Variants in DLC1 observed in about 807,000 individuals in gnomAD.
DLC1 encodes DLC1 Rho GTPase activating protein, also known as rho GTPase-activating protein 7.
DLC1 carries 54 observed loss-of-function variants against 140.3 expected under a neutral mutation model. The observed-to-expected ratio is 0.38, with a 90% CI of 0.31 to 0.48. The LOEUF (loss-of-function observed/expected upper bound fraction) is 0.48. Among genes scored for constraint, DLC1 ranks in the 20% least tolerant of loss-of-function variants. The pLI, the probability that DLC1 is intolerant of heterozygous loss-of-function variation, is 0.96. For missense variants in DLC1, 2,536 were observed against 1,907.0 expected, an observed-to-expected ratio of 1.33 and a Z score of -6.14; for synonymous variants, 986 against 728.1, an observed-to-expected ratio of 1.35 and a Z score of -5.70.
intron 5 of DLC1, among the ~76,000 whole-genome samples, chr8:13,146,567 A>G (rs547077400): frequency 6.6e-6 from 1 of 151,974 alleles, no homozygotes; most frequent in Non-Finnish European, 1.5e-5. Flanking sequence ...AGTCATAGTA[A>G]TTTGATCTGT....
rs529964869 is a variant in DLC1, at chr8:13,098,787, T to C, written c.2991-212A>G. 1.8e-4 allele frequency among the ~76,000 whole-genome samples: 28 copies of C among 152,282 alleles called. No individual in the cohort carries two copies. The South Asian group carries it at 5.6e-3, about 30-fold the overall frequency. On this transcript the variant is annotated intron_variant, in intron 9 of 17. Transcript: ENST00000276297. ...TGTGCCACCACATCTGACTCATTTT[T>C]TAATTTTTTGTAGAGATAGAGTCTC...
intron 1 of DLC1, among the ~76,000 whole-genome samples, chr8:13,571,481 C>A (rs56019602): frequency 6.6e-6 from 1 of 152,142 alleles, no homozygotes; most frequent in Non-Finnish European, 1.5e-5. Context: ...CATTTTGTGT[C>A]TGGCTTAGTG....
upstream of DLC1, chr8:13,515,439 C>A (rs1257984449): frequency 6.6e-6 from 1 of 152,178 alleles, no homozygotes; most frequent in African/African-American, 2.4e-5. Flanking sequence ...CGTGTTATGG[C>A]AAATGCAGCA....
chr8:13,481,916 G>T lies in DLC1; in HGVS notation c.1023+17133C>A, dbSNP rs933145361. 4.6e-5 allele frequency among the ~76,000 whole-genome samples: 7 copies of T among 152,196 alleles called. No individual in the cohort carries two copies. The South Asian group carries it at 1.5e-3, about 32-fold the overall frequency. On this transcript the variant is annotated intron_variant, in intron 2 of 17. Coordinates refer to ENST00000276297, the MANE Select transcript of DLC1 (RefSeq NM_182643.3). ...CGAAGAAGCCCATGTCAACATAAAGGCCTATAGAAAGATAATATACCTACA... is the reference window on the plus strand; with the variant it reads ...CGAAGAAGCCCATGTCAACATAAAGTCCTATAGAAAGATAATATACCTACA...
At chr8:13,347,076 T>C (rs193163615) in intron 4 of DLC1, among the ~76,000 whole-genome samples, 56 of 152,332 alleles carry the variant, frequency 3.7e-4, no homozygotes, top group African/African-American at 1.2e-3. Context: ...TATCATATGA[T>C]GTATGTATAG....
intron 2 of DLC1, among the ~76,000 whole-genome samples, chr8:13,424,004 A>C (rs754556309): frequency 1.3e-5 from 2 of 152,212 alleles, no homozygotes; most frequent in African/African-American, 4.8e-5. Context: ...TACTACAGCT[A>C]TAAAAATAGA....
chr8:13,330,690 C>T (rs1164652130), intron 4 of DLC1, among the ~76,000 whole-genome samples: 2 of 152,174 alleles, frequency 1.3e-5, no homozygotes, highest in Non-Finnish European at 2.9e-5. Flanking sequence ...AAAAAACACA[C>T]AGTGAGAGGG....
intron 2 of DLC1, among the ~76,000 whole-genome samples, chr8:13,493,148 A>C (rs1244972218): frequency 6.6e-6 from 1 of 152,210 alleles, no homozygotes; most frequent in African/African-American, 2.4e-5. Flanking sequence ...TGGGAAGCAC[A>C]ATCTTCTCAA....
At chr8:13,221,755 TTA>T in intron 5 of DLC1, among the ~76,000 whole-genome samples, 1 of 141,832 alleles carries the variant, frequency 7.1e-6, no homozygotes, top group South Asian at 2.2e-4. Flanking sequence ...TGATAAACCA[TTA>T]TATATAATAT....
chr8:13,142,910 G>C (rs1358569758), intron 5 of DLC1, among the ~76,000 whole-genome samples: 3 of 152,116 alleles, frequency 2.0e-5, no homozygotes, highest in Non-Finnish European at 4.4e-5. Context: ...TTAGCTGGGT[G>C]TGGTGGCACA....
At chr8:13,263,925 C>T (rs1830572474) in intron 5 of DLC1, among the ~76,000 whole-genome samples, 1 of 151,596 alleles carries the variant, frequency 6.6e-6, no homozygotes, top group Non-Finnish European at 1.5e-5. Flanking sequence ...GAGACATTGA[C>T]AATAATATTC....
intron 4 of DLC1, among the ~76,000 whole-genome samples, chr8:13,311,286 C>A (rs530274509): frequency 1.3e-5 from 2 of 152,204 alleles, no homozygotes; most frequent in African/African-American, 4.8e-5. Context: ...GGCTTTATAA[C>A]CCTGTGTACT....
intron 1 of DLC1, among the ~76,000 whole-genome samples, chr8:13,580,517 G>T (rs1318459475): frequency 6.6e-6 from 1 of 152,138 alleles, no homozygotes; most frequent in Non-Finnish European, 1.5e-5. Flanking sequence ...GGCAAAGCAA[G>T]AGCCCTCAGT....
Position 13,398,222 on chromosome 8 carries a change from A to G in DLC1, c.1173+3248T>C, listed in dbSNP as rs114217489. On this transcript the variant is annotated intron_variant, in intron 3 of 17. Transcript: ENST00000276297. The stretch of plus-strand genomic sequence containing the variant: ...CAAAGAGGAGATTAAAGTTTGGCTT[A>G]TAAAGGAAGGGATGAGCTAGAGCAA... Among the ~76,000 whole-genome samples, 258 of 152,302 alleles carry G rather than the reference A, an allele frequency of 1.7e-3. 2 individuals are homozygous for G. The highest frequency in any genetic ancestry group is 5.8e-3 in the African/African-American group (240 of 41,578).
intron 1 of DLC1, among the ~76,000 whole-genome samples, chr8:13,547,603 C>G (rs913239753): frequency 6.6e-6 from 1 of 152,082 alleles, no homozygotes; most frequent in Non-Finnish European, 1.5e-5. Context: ...GGTTTTGCCT[C>G]TGTCGGCAGC....
chr8:13,425,630 A>G (rs182957566), intron 2 of DLC1, among the ~76,000 whole-genome samples: 230 of 150,686 alleles, frequency 1.5e-3, no homozygotes, highest in Non-Finnish European at 2.5e-3. Flanking sequence ...GACATTTTTG[A>G]AGTATTGAGT....
At chr8:13,179,185 A>T (rs912834390) in intron 5 of DLC1, among the ~76,000 whole-genome samples, 2 of 151,258 alleles carry the variant, frequency 1.3e-5, no homozygotes, top group Non-Finnish European at 2.9e-5. Context: ...TGTGCACTGT[A>T]TGACTGTATT....
At chr8:13,181,638 C>T (rs955687260) in intron 5 of DLC1, among the ~76,000 whole-genome samples, 1 of 152,212 alleles carries the variant, frequency 6.6e-6, no homozygotes, top group South Asian at 2.1e-4. Flanking sequence ...TTTACAGCTT[C>T]ATCCATGTCC....
At chr8:13,167,760 C>G (rs1825203789) in intron 5 of DLC1, among the ~76,000 whole-genome samples, 2 of 152,234 alleles carry the variant, frequency 1.3e-5, no homozygotes, top group African/African-American at 2.4e-5. Context: ...TTGATCCATA[C>G]AGTCTTGCAA....
Sources: allele counts gnomAD v4.1 joint callset (sites outside exome capture counted in the v4.1 genomes callset), GRCh38; gene constraint gnomAD v4.1.1; transcripts MANE v1.5; gene names NCBI Gene and HGNC (gene_info 2026-07-23, HGNC 2026-07-21).